The following CSNK1G1 variants were observed in gnomAD, a reference collection of about 807,000 sequenced individuals.
The protein encoded by CSNK1G1 is casein kinase 1 gamma 1, also known as casein kinase I isoform gamma-1.
CSNK1G1 carries 22 observed loss-of-function variants against 59.6 expected under a neutral mutation model. That is an observed-to-expected ratio of 0.37 (90% CI 0.26 to 0.53). The LOEUF (loss-of-function observed/expected upper bound fraction) is 0.53. Among genes scored for constraint, CSNK1G1 ranks in the 20% least tolerant of loss-of-function variants. The pLI is 0.89. For missense variants in CSNK1G1, 384 were observed against 519.5 expected (o/e 0.74, Z 2.54); for synonymous variants, 179 against 177.1 (o/e 1.01, Z -0.08).
intron 2 of CSNK1G1, among the ~76,000 whole-genome samples, chr15:64,267,269 A>AG (rs1157946493): frequency 6.6e-6 from 1 of 151,332 alleles, no homozygotes; most frequent in Non-Finnish European, 1.5e-5. Context: ...AAAAAAAAAA[A>AG]AAAAAAGAAA....
intron 1 of CSNK1G1, chr15:64,335,893 C>T (rs1348301837): frequency 6.6e-6 from 1 of 152,146 alleles, no homozygotes; most frequent in Non-Finnish European, 1.5e-5. Context: ...AATTTACCTG[C>T]AACATCCCAG....
In CSNK1G1 at chr15:64,330,664, A is replaced by G. The variant is rs868191051; in HGVS notation, c.-225+25324T>C. Among the ~76,000 whole-genome samples the G allele has an allele frequency of 5.7e-3, 515 of 90,922 alleles. 4 individuals are homozygous for G. The highest frequency in any genetic ancestry group is 0.022 in the African/African-American group (497 of 22,224). The allele number at this position is 90,922 out of a possible 152,430, so 59.6% of individuals were successfully genotyped here. A position where few individuals can be genotyped will look rare whatever the true frequency, so the allele number is the denominator to read the frequency against. On this transcript the variant is annotated intron_variant, in intron 1 of 11. Coordinates refer to ENST00000303052, the MANE Select transcript of CSNK1G1 (RefSeq NM_022048.5). ...TGCTCCTATTCAACATAGTGTTGGA[A>G]GTTCTGGCCAGGGCAATCAGGCAGG...
chr15:64,350,839 C>T (rs1898246128), intron 1 of CSNK1G1, among the ~76,000 whole-genome samples: 1 of 152,004 alleles, frequency 6.6e-6, no homozygotes, highest in Admixed American at 6.6e-5. Context: ...ATGTCAAAAT[C>T]CAATTTTGCT....
rs541661416 is a variant in CSNK1G1 at position 64,224,013 on chromosome 15, C to A, written c.293-7300G>T. On this transcript the variant is annotated intron_variant, in intron 4 of 11. Transcript: ENST00000303052. Reference sequence around the variant, plus strand: ...AGTAGAGATATTTTAAAATGCACATCAGGTTGAGAACTGAAATAGAACCAC... The same window carrying A: ...AGTAGAGATATTTTAAAATGCACATAAGGTTGAGAACTGAAATAGAACCAC... Among the ~76,000 whole-genome samples, 32 of 152,294 alleles carry A rather than the reference C, an allele frequency of 2.1e-4. No homozygotes were observed. The South Asian group carries it at 6.0e-3, about 29-fold the overall frequency.
Position 64,227,251 on chromosome 15 carries a change from A to G in CSNK1G1, c.293-10538T>C, listed in dbSNP as rs527252579. Among the ~76,000 whole-genome samples the G allele has an allele frequency of 4.6e-5, 7 of 152,240 alleles. No homozygotes were observed. The South Asian group carries it at 8.3e-4, about 18-fold the overall frequency. ...TTTTCTGAGTTCTTGCTTACATTTCATGGGAATACTTTTAAAAGACAGTTC... is the reference window on the plus strand; with the variant it reads ...TTTTCTGAGTTCTTGCTTACATTTCGTGGGAATACTTTTAAAAGACAGTTC... On this transcript the variant is annotated intron_variant, in intron 4 of 11. Transcript: ENST00000303052.
intron 1 of CSNK1G1, among the ~76,000 whole-genome samples, chr15:64,315,468 T>C (rs1057378854): frequency 4.6e-5 from 7 of 152,238 alleles, no homozygotes; most frequent in African/African-American, 1.7e-4. Context: ...AAAAAGCATT[T>C]ACATTTTCTA....
At position 64,300,646 on chromosome 15, in the gene CSNK1G1, G is replaced by A. The variant is rs78353546; in HGVS notation, c.-147C>T. On this transcript the variant is annotated 5_prime_UTR_variant, in exon 2 of 12. Transcript: ENST00000303052. ...CCATATTTGTTTGTAATGTATCTCC[G>A]GGAGATGAAAAACCATTTATTTGTT... 1.7e-3 allele frequency: 2,224 copies of A among 1,299,886 alleles called. 32 individuals carry two copies. In the African/African-American group the frequency reaches 0.03, roughly 18 times the overall value. The allele number at this position is 1,299,886 out of a possible 1,614,324, so 80.5% of individuals were successfully genotyped here. A position where few individuals can be genotyped will look rare whatever the true frequency, so the allele number is the denominator to read the frequency against.
chr15:64,204,306 A>G, intron 9 of CSNK1G1, 135 bp downstream of exon 9: 1 of 700,358 alleles, frequency 1.4e-6, no homozygotes, highest in East Asian at 2.9e-5. Context: ...AGGCTAGTAA[A>G]TATACAGTCT....
intron 2 of CSNK1G1, among the ~76,000 whole-genome samples, chr15:64,284,829 A>C (rs1894324135): frequency 6.6e-6 from 1 of 152,064 alleles, no homozygotes; most frequent in South Asian, 2.1e-4. Context: ...AACACAAGTG[A>C]TATCATATGA....
intron 11 of CSNK1G1, among the ~76,000 whole-genome samples, chr15:64,175,287 A>G (rs1365136158): frequency 6.6e-6 from 1 of 152,198 alleles, no homozygotes; most frequent in Non-Finnish European, 1.5e-5. Flanking sequence ...GTTAGGGTTC[A>G]GAAACCAGTG....
chr15:64,296,615 A>G lies in CSNK1G1; in HGVS notation c.181+3704T>C, dbSNP rs1895034734. Among the ~76,000 whole-genome samples, 5 of 152,278 alleles carry G rather than the reference A, an allele frequency of 3.3e-5. No individual in the cohort carries two copies. The South Asian group carries it at 1.0e-3, about 32-fold the overall frequency. On this transcript the variant is annotated intron_variant, in intron 2 of 11. Transcript: ENST00000303052. The stretch of plus-strand genomic sequence containing the variant: ...TGCAGTGGCTCACGCCTGTAATCCT[A>G]GCACTTTGGGAGGCTGACGTGGGCA...
At chr15:64,256,564 G>T (rs1892382602) in intron 3 of CSNK1G1, among the ~76,000 whole-genome samples, 1 of 152,054 alleles carries the variant, frequency 6.6e-6, no homozygotes, top group Admixed American at 6.6e-5. Flanking sequence ...TAAGTAGAAG[G>T]CATTGCAAAA....
intron 1 of CSNK1G1, among the ~76,000 whole-genome samples, chr15:64,327,376 GAGCAGCCTAACTGGGAGGCACTCCCC>G (rs1896906577): frequency 6.6e-6 from 1 of 150,640 alleles, no homozygotes; most frequent in Non-Finnish European, 1.5e-5. Context: ...CCTGACCCCC[GAGCAGCCTAACTGGGAGGCACTCCCC>G]AGCAGGGGCA....
intron 1 of CSNK1G1, among the ~76,000 whole-genome samples, chr15:64,353,669 G>T (rs958216585): frequency 6.9e-6 from 1 of 144,316 alleles, no homozygotes; most frequent in Non-Finnish European, 1.5e-5. Context: ...AAAAAAGAAA[G>T]AAAAAGACTT....
rs1895511679 is a variant in CSNK1G1, at chr15:64,303,891, G to GT, written c.-224-3169dup. 3.6e-5 allele frequency among the ~76,000 whole-genome samples: 5 copies of GT among 139,838 alleles called. No homozygotes were observed. The Admixed American group carries it at 3.8e-4, about 11-fold the overall frequency. 91.7% of individuals were successfully genotyped at this position (139,838 alleles called of 152,430 possible). On this transcript the variant is annotated intron_variant, in intron 1 of 11. Coordinates refer to ENST00000303052, the MANE Select transcript of CSNK1G1 (RefSeq NM_022048.5). ...GCCATGATCGTGCCACTGCACTCCA[G>GT]TATGGGTGAGAGCAAGGCCCTGTCC...
intron 4 of CSNK1G1, among the ~76,000 whole-genome samples, chr15:64,241,347 A>G (rs1328977700): frequency 6.6e-6 from 1 of 152,344 alleles, no homozygotes; most frequent in East Asian, 1.9e-4. Context: ...ATGTCAGAGC[A>G]CTCAGAAAGA....
chr15:64,289,409 C>T lies in CSNK1G1; in HGVS notation c.181+10910G>A, dbSNP rs140910389. ...GATTATGCTATTGACAGAAATAATT[C>T]TTCTCCAAGATCTGTTAAAACTGCT... On this transcript the variant is annotated intron_variant, in intron 2 of 11. Coordinates refer to ENST00000303052, the MANE Select transcript of CSNK1G1 (RefSeq NM_022048.5). 1.4e-4 allele frequency among the ~76,000 whole-genome samples: 21 copies of T among 152,224 alleles called. No individual in the cohort carries two copies. In the East Asian group the frequency reaches 3.5e-3, roughly 25 times the overall value.
intron 1 of CSNK1G1, among the ~76,000 whole-genome samples, chr15:64,311,794 T>C (rs780447797): frequency 1.3e-5 from 2 of 151,706 alleles, no homozygotes; most frequent in African/African-American, 2.4e-5. Context: ...GCACGGGAAT[T>C]GCTTGAACCT....
chr15:64,321,007 C>T (rs962952350), intron 1 of CSNK1G1, among the ~76,000 whole-genome samples: 2 of 151,936 alleles, frequency 1.3e-5, no homozygotes, highest in African/African-American at 2.4e-5. Context: ...CCCTACAATA[C>T]AAATTCGTAA....
Sources: allele counts gnomAD v4.1 joint callset (sites outside exome capture counted in the v4.1 genomes callset), GRCh38; gene constraint gnomAD v4.1.1; transcripts MANE v1.5; gene names NCBI Gene and HGNC (gene_info 2026-07-23, HGNC 2026-07-21).